The following SNX29 variants were observed in gnomAD, a reference collection of about 807,000 sequenced individuals.
SNX29 encodes the protein sorting nexin 29, also known as sorting nexin-29.
SNX29 carries 78 observed loss-of-function variants against 102.1 expected under a neutral mutation model. The observed-to-expected ratio is 0.76, with a 90% confidence interval of 0.64 to 0.92. The LOEUF is 0.92. SNX29 is among the 40% of genes least tolerant of loss of function. The pLI is 0.00. For missense variants in SNX29, 1,280 were observed against 1,061.7 expected (o/e 1.21, Z -2.86); for synonymous variants, 580 against 414.5 (o/e 1.40, Z -4.85).
In SNX29 at chr16:12,106,044, C is replaced by G. The variant is rs375776337; in HGVS notation, c.1403-20589C>G. On this transcript the variant is annotated intron_variant, in intron 11 of 20. Transcript: ENST00000566228. ...CTCTGGAGGGACAGAGCCAACGTTT[C>G]CATCTAAGTAACGCGAGGGAGGAGG... 4.6e-5 allele frequency among the ~76,000 whole-genome samples: 7 copies of G among 152,140 alleles called. No homozygotes were observed. The East Asian group carries it at 1.3e-3, about 29-fold the overall frequency.
intron 19 of SNX29, among the ~76,000 whole-genome samples, chr16:12,494,441 G>C (rs1425380413): frequency 6.6e-6 from 1 of 152,174 alleles, no homozygotes; most frequent in East Asian, 1.9e-4. Flanking sequence ...GTGGAGGCTG[G>C]ATTTGTGGGT....
intron 14 of SNX29, among the ~76,000 whole-genome samples, chr16:12,232,884 C>T (rs573290745): frequency 2.0e-5 from 3 of 152,336 alleles, no homozygotes; most frequent in Admixed American, 2.0e-4. Context: ...GAGTTCACAG[C>T]CCACCCAGCA....
intron 1 of SNX29, among the ~76,000 whole-genome samples, chr16:11,980,774 C>T (rs558887627): frequency 1.3e-5 from 2 of 152,254 alleles, no homozygotes; most frequent in East Asian, 1.9e-4. Context: ...TTATCTTGTG[C>T]TTATTGACCA....
chr16:12,552,265 G>A (rs951570481), intron 20 of SNX29, among the ~76,000 whole-genome samples: 3 of 152,162 alleles, frequency 2.0e-5, no homozygotes, highest in African/African-American at 4.8e-5. Flanking sequence ...GGGCTCGTAA[G>A]CCCTGGCCAG....
At chr16:12,055,806 C>G (rs565769443) in intron 8 of SNX29, among the ~76,000 whole-genome samples, 1 of 152,222 alleles carries the variant, frequency 6.6e-6, no homozygotes, top group South Asian at 2.1e-4. Context: ...ATAGAAACAG[C>G]TAGAATAATG....
At chr16:12,523,650 G>T (rs1473145431) in intron 19 of SNX29, among the ~76,000 whole-genome samples, 1 of 152,190 alleles carries the variant, frequency 6.6e-6, no homozygotes, top group African/African-American at 2.4e-5. Flanking sequence ...TGGACCCTCT[G>T]TGACAGCTTG....
intron 14 of SNX29, among the ~76,000 whole-genome samples, chr16:12,224,203 G>A (rs915551837): frequency 1.3e-5 from 2 of 152,166 alleles, no homozygotes; most frequent in Non-Finnish European, 2.9e-5. Context: ...TTCAGGAGTC[G>A]AGTAGATGTG....
chr16:12,344,414 A>G (rs1411536358), intron 15 of SNX29, among the ~76,000 whole-genome samples: 2 of 152,184 alleles, frequency 1.3e-5, no homozygotes, highest in Non-Finnish European at 2.9e-5. Flanking sequence ...TGTAGATGGA[A>G]CCACTAGCTA....
chr16:12,253,631 C>T (rs1207132827), intron 14 of SNX29, among the ~76,000 whole-genome samples: 2 of 152,038 alleles, frequency 1.3e-5, no homozygotes, highest in African/African-American at 4.8e-5. Flanking sequence ...CCAAGGAACA[C>T]CAAGGAGGCA....
At chr16:12,368,865 C>T (rs1267467941) in intron 16 of SNX29, among the ~76,000 whole-genome samples, 2 of 152,198 alleles carry the variant, frequency 1.3e-5, no homozygotes, top group African/African-American at 4.8e-5. Context: ...TTTTAGTTAC[C>T]ACCCATTCCT....
At chr16:12,155,364 G>C (rs180800664) in intron 13 of SNX29, among the ~76,000 whole-genome samples, 1 of 152,316 alleles carries the variant, frequency 6.6e-6, no homozygotes, top group African/African-American at 2.4e-5. Context: ...AAGCCACTGG[G>C]AGGAGCAGCT....
At chr16:12,085,787 T>C (rs1445582317) in intron 11 of SNX29, among the ~76,000 whole-genome samples, 1 of 152,222 alleles carries the variant, frequency 6.6e-6, no homozygotes, top group Admixed American at 6.5e-5. Flanking sequence ...TGTTTTCTCA[T>C]TGAATCCCCC....
chr16:12,341,203 C>G, intron 15 of SNX29, among the ~76,000 whole-genome samples: 1 of 152,242 alleles, frequency 6.6e-6, no homozygotes, highest in Non-Finnish European at 1.5e-5. Context: ...GCCCATATAG[C>G]AGACAGAATA....
In SNX29 at chr16:12,549,698, C is replaced by G. The variant is rs544463319; in HGVS notation, c.2319-18808C>G. Among the ~76,000 whole-genome samples, 5 of 152,342 alleles carry G rather than the reference C, an allele frequency of 3.3e-5. No individual in the cohort carries two copies. In the East Asian group the frequency reaches 9.7e-4, roughly 29 times the overall value. ...GCCCGGCATCTTGATGTCGCAGATG[C>G]TGCTTGGGGCCAGGAGAGTCACCCT... On this transcript the variant is annotated intron_variant, in intron 20 of 20. Transcript: ENST00000566228.
At chr16:12,170,784 AGAGT>A (rs1233483411) in intron 13 of SNX29, among the ~76,000 whole-genome samples, 1 of 137,600 alleles carries the variant, frequency 7.3e-6, no homozygotes, top group Non-Finnish European at 1.5e-5. Context: ...TGTGTGTGTG[AGAGT>A]GAGAGCACGT....
At chr16:11,993,508 C>A (rs1174196302) in intron 1 of SNX29, among the ~76,000 whole-genome samples, 3 of 152,098 alleles carry the variant, frequency 2.0e-5, no homozygotes, top group African/African-American at 7.2e-5. Context: ...ATAATGATAG[C>A]TAATTTTATT....
chr16:12,229,403 C>A (rs145756542), intron 14 of SNX29, among the ~76,000 whole-genome samples: 1 of 152,278 alleles, frequency 6.6e-6, no homozygotes, highest in African/African-American at 2.4e-5. Context: ...ATTTCCATGT[C>A]GTGTATGCGG....
chr16:12,080,692 CTT>C (rs34209588), intron 11 of SNX29, among the ~76,000 whole-genome samples: 36 of 134,694 alleles, frequency 2.7e-4, no homozygotes, highest in South Asian at 4.8e-4. Context: ...CTACAGTTTA[CTT>C]TTTTTTTTTT....
At chr16:11,993,762 G>A (rs1363668681) in intron 1 of SNX29, among the ~76,000 whole-genome samples, 1 of 152,132 alleles carries the variant, frequency 6.6e-6, no homozygotes, top group African/African-American at 2.4e-5. Context: ...GAGATTTGTG[G>A]TAAAAATTAA....
Sources: allele counts gnomAD v4.1 joint callset (sites outside exome capture counted in the v4.1 genomes callset), GRCh38; gene constraint gnomAD v4.1.1; transcripts MANE v1.5; gene names NCBI Gene and HGNC (gene_info 2026-07-23, HGNC 2026-07-21).